TNFSF8: variants seen among roughly 807,000 people sequenced by gnomAD.
TNFSF8 encodes tumor necrosis factor ligand superfamily member 8.
In TNFSF8, 4 loss-of-function variants were observed where a neutral mutation model predicts 22.0. That is an observed-to-expected ratio of 0.18 (90% CI 0.09 to 0.42). The LOEUF (loss-of-function observed/expected upper bound fraction) is 0.42, where lower values mean the gene tolerates loss of function less well. TNFSF8 is among the 10% of genes least tolerant of loss of function. The probability of loss-of-function intolerance (pLI) is 1.00; values close to 1 mark genes in which losing one functional copy is unlikely to be tolerated. For synonymous variants in TNFSF8, 106 were observed against 112.5 expected, an observed-to-expected ratio of 0.94 and a Z score of 0.37; for missense variants, 233 against 281.8, an observed-to-expected ratio of 0.83 and a Z score of 1.24.
chr9:114,904,005 A>ATG lies in TNFSF8; in HGVS notation c.629_630dup (p.Phe211HisfsTer5). 6.2e-7 allele frequency: 1 copy of ATG among 1,614,132 alleles called. No homozygotes were observed. The highest frequency in any genetic ancestry group is 1.1e-5 in the South Asian group (1 of 91,080). On this transcript the variant is annotated frameshift_variant, in exon 4 of 4. Coordinates refer to ENST00000223795, the MANE Select transcript of TNFSF8 (RefSeq NM_001244.4). LOFTEE classifies it high-confidence loss of function. ...AAGGTGCTTGTATCTATGTACTGGAATGTATCCACATTGACTGATATGGTG... is the reference window on the plus strand; with the variant it reads ...AAGGTGCTTGTATCTATGTACTGGAATGTGTATCCACATTGACTGATATGGTG...
chr9:114,927,844 C>A (rs1203474162), intron 1 of TNFSF8, among the ~76,000 whole-genome samples: 1 of 152,110 alleles, frequency 6.6e-6, no homozygotes, highest in Non-Finnish European at 1.5e-5. Context: ...CCATTGATTT[C>A]TTTCCTAGAG....
At chr9:114,893,897 G>A in exon 5 of TNFSF8, 1 of 563,148 alleles carries the variant, frequency 1.8e-6, no homozygotes, top group Non-Finnish European at 3.2e-6. Flanking sequence ...AGGAAGTATT[G>A]GGCCACGATT....
chr9:114,925,249 G>A (rs1417387936), intron 1 of TNFSF8, among the ~76,000 whole-genome samples: 1 of 152,154 alleles, frequency 6.6e-6, no homozygotes, highest in African/African-American at 2.4e-5. Context: ...GTGGTGGGTT[G>A]GGCAGGAAAA....
At chr9:114,911,407 T>C (rs1827850645) in intron 2 of TNFSF8, among the ~76,000 whole-genome samples, 1 of 152,172 alleles carries the variant, frequency 6.6e-6, no homozygotes. Context: ...TAGAGGACAG[T>C]CTCTCCCCTC....
Position 114,930,146 on chromosome 9 carries a change from G to A in TNFSF8, c.158C>T (p.Thr53Met), listed in dbSNP as rs1293242341. The change falls in exon 1 of 4, where the codon ACG (threonine) becomes ATG (methionine). Residue 53 changes from threonine to methionine, a missense_variant. Coordinates refer to ENST00000223795, the MANE Select transcript of TNFSF8 (RefSeq NM_001244.4). ...GACCAACACCATAATAGTGGCCACC[G>A]TGAAGACAAGGCACAGAGCCAGAGT... ...TATLALCLVF[T>M]VATIMVLVVQ... 2.5e-6 allele frequency: 4 copies of A among 1,579,642 alleles called. No homozygotes were observed. The highest frequency in any genetic ancestry group is 1.1e-5 in the South Asian group (1 of 87,500).
intron 2 of TNFSF8, 139 bp downstream of exon 2, chr9:114,917,957 C>T (rs1827940593): frequency 2.8e-6 from 2 of 718,952 alleles, no homozygotes; most frequent in African/African-American, 1.8e-5. Flanking sequence ...CAGTCCTGAA[C>T]AGCCCTTGCC....
downstream of TNFSF8, among the ~76,000 whole-genome samples, chr9:114,899,348 T>TTA (rs1554775969): frequency 3.6e-4 from 52 of 144,612 alleles, no homozygotes; most frequent in African/African-American, 1.2e-3. Flanking sequence ...AGTTATTATT[T>TTA]TTTTTTTTTT....
At chr9:114,927,616 T>C (rs1384517709) in intron 1 of TNFSF8, among the ~76,000 whole-genome samples, 2 of 152,234 alleles carry the variant, frequency 1.3e-5, no homozygotes, top group African/African-American at 4.8e-5. Context: ...TGTGGTGTCA[T>C]GGTATCCCTT....
At position 114,923,518 on chromosome 9, in the gene TNFSF8, CTTTCTTTT is replaced by C. The variant is rs1448448897; in HGVS notation, c.196-5388_196-5381del. ...TCTTTCTTTCTTTCTTTCTTTCTTTCTTTCTTTTTTTTTTTTTGAGATGAAATCTCACT... is the reference window on the plus strand; with the variant it reads ...TCTTTCTTTCTTTCTTTCTTTCTTTCTTTTTTTTTGAGATGAAATCTCACT... On this transcript the variant is annotated intron_variant, in intron 1 of 3. Transcript: ENST00000223795. 7.2e-5 allele frequency among the ~76,000 whole-genome samples: 6 copies of C among 83,594 alleles called. No homozygotes were observed. The East Asian group carries it at 2.3e-3, about 32-fold the overall frequency. 54.8% of individuals were successfully genotyped at this position (83,594 alleles called of 152,430 possible).
At chr9:114,920,836 T>G (rs1455277433) in intron 1 of TNFSF8, among the ~76,000 whole-genome samples, 2 of 151,982 alleles carry the variant, frequency 1.3e-5, no homozygotes, top group African/African-American at 4.8e-5. Flanking sequence ...CCCCGGCTAA[T>G]TTTTGTATTT....
chr9:114,919,225 G>T (rs1407852512), intron 1 of TNFSF8, among the ~76,000 whole-genome samples: 1 of 151,968 alleles, frequency 6.6e-6, no homozygotes, highest in Admixed American at 6.5e-5. Flanking sequence ...ATACAAATAT[G>T]TATACACATG....
At chr9:114,905,210 C>A (rs542708525) in intron 3 of TNFSF8, among the ~76,000 whole-genome samples, 1 of 152,304 alleles carries the variant, frequency 6.6e-6, no homozygotes, top group South Asian at 2.1e-4. Context: ...AATCTAACTG[C>A]AAAATTGAAT....
chr9:114,904,644 A>T (rs3181365), intron 3 of TNFSF8, among the ~76,000 whole-genome samples: 86,901 of 152,048 alleles, frequency 0.57, 26,790 homozygotes, highest in African/African-American at 0.8. Context: ...AATATGATGA[A>T]CTTTCCCTTT....
intron 1 of TNFSF8, among the ~76,000 whole-genome samples, chr9:114,929,530 T>A (rs1828108962): frequency 1.3e-5 from 2 of 152,106 alleles, no homozygotes; most frequent in African/African-American, 4.8e-5. Context: ...TAGCTCCTTG[T>A]ATAAAACAAA....
chr9:114,930,215 T>A lies in TNFSF8; in HGVS notation c.89A>T (p.His30Leu). 6.2e-7 allele frequency: 1 copy of A among 1,607,444 alleles called. No individual in the cohort carries two copies. The highest frequency in any genetic ancestry group is 8.5e-7 in the Non-Finnish European group (1 of 1,176,742). The change falls in exon 1 of 4, where the codon CAC becomes CTC. Residue 30 changes from histidine (H) to leucine (L), a missense_variant. Transcript: ENST00000223795. Reference protein sequence around the residue: ...MHVPAGSVASHLGTTSRSYFY... With the variant: ...MHVPAGSVASLLGTTSRSYFY... ...ATAGCTGCGGCTCGTGGTCCCCAGGTGGCTGGCCACGGAGCCCGCCGGCAC... is the reference window on the plus strand; with the variant it reads ...ATAGCTGCGGCTCGTGGTCCCCAGGAGGCTGGCCACGGAGCCCGCCGGCAC...
chr9:114,912,553 C>G (rs537090115), intron 2 of TNFSF8, among the ~76,000 whole-genome samples: 1 of 151,638 alleles, frequency 6.6e-6, no homozygotes, highest in Admixed American at 6.7e-5. Flanking sequence ...CCATGCCCAG[C>G]TAATTTTTGT....
intron 1 of TNFSF8, among the ~76,000 whole-genome samples, chr9:114,927,524 T>C (rs1828078634): frequency 6.6e-6 from 1 of 152,232 alleles, no homozygotes; most frequent in Admixed American, 6.5e-5. Flanking sequence ...TTGAAATTGT[T>C]CACATTTCTC....
intron 2 of TNFSF8, among the ~76,000 whole-genome samples, chr9:114,916,435 A>G (rs546059679): frequency 4.1e-4 from 63 of 152,312 alleles, no homozygotes; most frequent in Non-Finnish European, 7.9e-4. Context: ...TTATTACCTA[A>G]TCAAAACTAT....
At chr9:114,919,182 C>T (rs981971727) in intron 1 of TNFSF8, among the ~76,000 whole-genome samples, 1 of 151,782 alleles carries the variant, frequency 6.6e-6, no homozygotes, top group East Asian at 1.9e-4. Flanking sequence ...GGGTCCCCAT[C>T]CTTATGGATT....
Sources: gnomAD v4.1 joint callset for allele counts (sites outside exome capture counted in the v4.1 genomes callset) on GRCh38, gnomAD v4.1.1 for gene constraint, MANE v1.5 for transcripts, NCBI Gene and HGNC (gene_info 2026-07-23, HGNC 2026-07-21) for gene names.